HERC5: variants seen among roughly 807,000 people sequenced by gnomAD.
HERC5 encodes E3 ISG15--protein ligase HERC5.
Under a neutral mutation model 119.6 loss-of-function variants are expected in HERC5, and 99 were observed. The observed-to-expected ratio is 0.83, with a 90% confidence interval of 0.70 to 0.98. HERC5 has a LOEUF of 0.98. Ranked by LOEUF, HERC5 falls within the 50% of genes least tolerant of loss-of-function variation. The pLI, the probability that HERC5 is intolerant of heterozygous loss-of-function variation, is 0.00. For missense variants in HERC5, 1,267 were observed against 1,241.3 expected, an observed-to-expected ratio of 1.02 and a Z score of -0.31; for synonymous variants, 478 against 445.9, an observed-to-expected ratio of 1.07 and a Z score of -0.91.
chr4:88,465,873 A>G (rs1030273100), intron 6 of HERC5, among the ~76,000 whole-genome samples: 1 of 152,234 alleles, frequency 6.6e-6, no homozygotes, highest in African/African-American at 2.4e-5. Flanking sequence ...CTCCCCTTGG[A>G]GCAGGTGGAT....
intron 15 of HERC5, among the ~76,000 whole-genome samples, chr4:88,487,647 A>G (rs886339926): frequency 2.6e-5 from 4 of 152,180 alleles, no homozygotes; most frequent in African/African-American, 9.7e-5. Flanking sequence ...TGGTGCCATA[A>G]AAGAGGTTTG....
chr4:88,501,348 C>T (rs975177040), intron 20 of HERC5, among the ~76,000 whole-genome samples: 1 of 152,192 alleles, frequency 6.6e-6, no homozygotes, highest in African/African-American at 2.4e-5. Context: ...GTGAATGCGG[C>T]AGGGACTTGG....
At chr4:88,460,415 C>A (rs997014054) in intron 3 of HERC5, among the ~76,000 whole-genome samples, 3 of 152,218 alleles carry the variant, frequency 2.0e-5, no homozygotes, top group Non-Finnish European at 4.4e-5. Context: ...AAGTACGAAA[C>A]AGTGAAAATT....
chr4:88,494,396 C>A (rs950279201), intron 18 of HERC5, 65 bp downstream of exon 18: 1 of 1,284,188 alleles, frequency 7.8e-7, no homozygotes, highest in Non-Finnish European at 1.1e-6. Context: ...TATTTAAGTA[C>A]ACACGCTTCA....
chr4:88,487,017 A>G, intron 14 of HERC5, 52 bp from the exon 15 acceptor site: 1 of 1,271,526 alleles, frequency 7.9e-7, no homozygotes, highest in African/African-American at 1.5e-5. Context: ...GGTAAAGTGT[A>G]AGGTTTCTCT....
chr4:88,479,934 G>T (rs1045028128), intron 13 of HERC5, among the ~76,000 whole-genome samples: 5 of 152,026 alleles, frequency 3.3e-5, no homozygotes, highest in Non-Finnish European at 5.9e-5. Context: ...GGGCGTGGTG[G>T]CGGGCGCCTG....
chr4:88,489,588 G>C (rs147324367), intron 16 of HERC5, among the ~76,000 whole-genome samples: 1 of 152,296 alleles, frequency 6.6e-6, no homozygotes, highest in East Asian at 1.9e-4. Context: ...AGATAGTTCA[G>C]TGTTGGCCCT....
intron 10 of HERC5, among the ~76,000 whole-genome samples, chr4:88,471,908 T>C (rs1005296416): frequency 6.6e-6 from 1 of 151,950 alleles, no homozygotes; most frequent in African/African-American, 2.4e-5. Flanking sequence ...GAAAAACCTT[T>C]ATCTTTTTTC....
At chr4:88,477,973 C>T (rs535034291) in intron 12 of HERC5, among the ~76,000 whole-genome samples, 21 of 152,272 alleles carry the variant, frequency 1.4e-4, no homozygotes, top group African/African-American at 4.1e-4. Context: ...ATTTTTAACA[C>T]ATTATACTAT....
intron 12 of HERC5, among the ~76,000 whole-genome samples, chr4:88,478,618 A>T (rs947016799): frequency 3.4e-5 from 5 of 148,342 alleles, no homozygotes; most frequent in African/African-American, 9.9e-5. Context: ...TTAAAAAAAT[A>T]TTTTTTTTTT....
intron 12 of HERC5, among the ~76,000 whole-genome samples, chr4:88,477,574 GGGGAT>G (rs1195907243): frequency 7.7e-6 from 1 of 130,204 alleles, no homozygotes; most frequent in Non-Finnish European, 1.7e-5. Flanking sequence ...AGGGAGGGGA[GGGGAT>G]GGGAAGGGAA....
intron 13 of HERC5, among the ~76,000 whole-genome samples, chr4:88,480,715 G>A (rs1482179904): frequency 6.6e-6 from 1 of 152,064 alleles, no homozygotes. Context: ...ATTTTTGATA[G>A]GAAATGATAC....
At chr4:88,478,046 G>A (rs1021386895) in intron 12 of HERC5, among the ~76,000 whole-genome samples, 1 of 152,226 alleles carries the variant, frequency 6.6e-6, no homozygotes. Context: ...ATTACATCAA[G>A]TTTGTAGTTG....
chr4:88,469,020 T>G (rs1314054402), intron 8 of HERC5, 137 bp from the exon 9 acceptor site: 1 of 587,516 alleles, frequency 1.7e-6, no homozygotes, highest in African/African-American at 1.9e-5. Flanking sequence ...ATTTGTTGAG[T>G]ATCACTTTGT....
intron 16 of HERC5, 50 bp downstream of exon 16, chr4:88,489,386 A>G (rs763367418): frequency 6.6e-7 from 1 of 1,504,600 alleles, no homozygotes; most frequent in East Asian, 2.3e-5. Context: ...AAAGAAAAAC[A>G]TAAAAGAATG....
Position 88,478,759 on chromosome 4 carries a change from T to C in HERC5, c.1583-594T>C, listed in dbSNP as rs552353471. Among the ~76,000 whole-genome samples, 34 of 152,042 alleles carry C rather than the reference T, an allele frequency of 2.2e-4. No homozygotes were observed. In the East Asian group the frequency reaches 6.6e-3, roughly 30 times the overall value. On this transcript the variant is annotated intron_variant, in intron 12 of 22. Transcript: ENST00000264350. ...CCCGAGTAGCTGGGCCACAGACATGTGCCACCACGCCCTGCTAATTTTTTG... is the reference window on the plus strand; with the variant it reads ...CCCGAGTAGCTGGGCCACAGACATGCGCCACCACGCCCTGCTAATTTTTTG...
chr4:88,468,067 T>A, intron 7 of HERC5: 1 of 216,908 alleles, frequency 4.6e-6, no homozygotes, highest in South Asian at 1.5e-4. Flanking sequence ...TGATAACATT[T>A]AGCTAATCAA....
At chr4:88,502,337 G>A (rs940401565) in intron 20 of HERC5, among the ~76,000 whole-genome samples, 1 of 152,182 alleles carries the variant, frequency 6.6e-6, no homozygotes, top group African/African-American at 2.4e-5. Context: ...AAGCCAGAGA[G>A]TATGAAAATG....
In HERC5 at chr4:88,464,168, A is replaced by AT. The variant is rs374132307; in HGVS notation, c.911+206dup. Among the ~76,000 whole-genome samples, 1,011 of 111,176 alleles carry AT rather than the reference A, an allele frequency of 9.1e-3. 5 individuals are homozygous for AT. Among genetic ancestry groups the AT allele is most frequent in the South Asian group, 0.017 (61 of 3,596 alleles). The allele number at this position is 111,176 out of a possible 152,430, so 72.9% of individuals were successfully genotyped here. On this transcript the variant is annotated intron_variant, in intron 6 of 22. Coordinates refer to ENST00000264350, the MANE Select transcript of HERC5 (RefSeq NM_016323.4). ...TTACTATACATGGTTGTTTTCTTTG[A>AT]TTTTTTTTTTTTTTTTTTTTTTTAA...
Sources: allele counts gnomAD v4.1 joint callset (sites outside exome capture counted in the v4.1 genomes callset), GRCh38; gene constraint gnomAD v4.1.1; transcripts MANE v1.5; gene names NCBI Gene and HGNC (gene_info 2026-07-23, HGNC 2026-07-21).